The following PPM1E variants were observed in gnomAD, a reference collection of about 807,000 sequenced individuals.
PPM1E encodes protein phosphatase, Mg2+/Mn2+ dependent 1E, also known as protein phosphatase 1E.
PPM1E carries 20 observed loss-of-function variants against 65.9 expected under a neutral mutation model. The ratio of observed to expected loss-of-function variants is 0.30; its 90% CI spans 0.21 to 0.44. The LOEUF (loss-of-function observed/expected upper bound fraction) is 0.44, where lower values mean the gene tolerates loss of function less well. PPM1E is among the 20% of genes least tolerant of loss of function. The pLI is 1.00. For missense variants in PPM1E, 713 were observed against 953.1 expected, an observed-to-expected ratio of 0.75 and a Z score of 3.32; for synonymous variants, 352 against 374.9, an observed-to-expected ratio of 0.94 and a Z score of 0.70.
intron 1 of PPM1E, among the ~76,000 whole-genome samples, chr17:58,814,676 C>A (rs941347779): frequency 2.6e-5 from 4 of 152,056 alleles, no homozygotes; most frequent in African/African-American, 9.7e-5. Flanking sequence ...TGTTTTTTTT[C>A]TGTAAAGAGC....
intron 1 of PPM1E, among the ~76,000 whole-genome samples, chr17:58,792,027 G>A (rs559111663): frequency 6.6e-6 from 1 of 151,872 alleles, no homozygotes; most frequent in Non-Finnish European, 1.5e-5. Context: ...CCATCTTTGT[G>A]TCTTTCTTAT....
At chr17:58,942,838 A>G (rs149888800) in intron 1 of PPM1E, among the ~76,000 whole-genome samples, 14 of 20,342 alleles carry the variant, frequency 6.9e-4, no homozygotes, top group Admixed American at 8.5e-4. Flanking sequence ...AAAAAAAAAG[A>G]AAAAAAAAAG....
intron 1 of PPM1E, among the ~76,000 whole-genome samples, chr17:58,919,992 T>C (rs2051732467): frequency 1.3e-5 from 2 of 152,266 alleles, no homozygotes; most frequent in South Asian, 4.1e-4. Context: ...TTGATGACAT[T>C]AATCCAGGGG....
intron 1 of PPM1E, among the ~76,000 whole-genome samples, chr17:58,801,376 C>G (rs1328835308): frequency 6.6e-6 from 1 of 150,898 alleles, no homozygotes; most frequent in East Asian, 1.9e-4. Context: ...TATGAATTAA[C>G]CATTTTATTT....
At chr17:58,927,376 C>T (rs1054862438) in intron 1 of PPM1E, among the ~76,000 whole-genome samples, 7 of 152,002 alleles carry the variant, frequency 4.6e-5, no homozygotes, top group East Asian at 1.9e-4. Flanking sequence ...ATGATCTGCC[C>T]GCCTTGGCCT....
intron 2 of PPM1E, among the ~76,000 whole-genome samples, chr17:58,960,776 A>AG (rs2143659054): frequency 6.6e-6 from 1 of 151,724 alleles, no homozygotes; most frequent in East Asian, 1.9e-4. Flanking sequence ...AAAAAAAAAA[A>AG]AAAAAGAAAA....
At chr17:58,903,565 A>G (rs1414312074) in intron 1 of PPM1E, among the ~76,000 whole-genome samples, 1 of 152,210 alleles carries the variant, frequency 6.6e-6, no homozygotes, top group East Asian at 1.9e-4. Context: ...TAAATGAGGA[A>G]AGGGAAAAAG....
chr17:58,756,980 T>G (rs1039126835), intron 1 of PPM1E, among the ~76,000 whole-genome samples: 8 of 152,186 alleles, frequency 5.3e-5, no homozygotes, highest in African/African-American at 1.7e-4. Flanking sequence ...CCTGCGTAAC[T>G]GCAACAATGA....
At chr17:58,930,803 A>C (rs1371314871) in intron 1 of PPM1E, among the ~76,000 whole-genome samples, 1 of 152,166 alleles carries the variant, frequency 6.6e-6, no homozygotes, top group South Asian at 2.1e-4. Flanking sequence ...TTTAAAAGGA[A>C]TAGAGAGCCA....
chr17:58,873,206 A>G (rs559887072), intron 1 of PPM1E, among the ~76,000 whole-genome samples: 1 of 152,314 alleles, frequency 6.6e-6, no homozygotes, highest in Admixed American at 6.5e-5. Context: ...TTTAATATTA[A>G]CGAAATTTAG....
intron 1 of PPM1E, among the ~76,000 whole-genome samples, chr17:58,891,351 C>T (rs915550713): frequency 6.6e-6 from 1 of 151,944 alleles, no homozygotes; most frequent in Non-Finnish European, 1.5e-5. Flanking sequence ...GAGATGGAGT[C>T]TTGCTCTGTT....
chr17:58,794,868 G>A (rs1225643144), intron 1 of PPM1E, among the ~76,000 whole-genome samples: 1 of 149,356 alleles, frequency 6.7e-6, no homozygotes, highest in Non-Finnish European at 1.5e-5. Context: ...GTGTTGTGAT[G>A]AACATATATG....
rs117971513 is a variant in PPM1E at position 58,861,102 on chromosome 17, T to G, written c.465-94547T>G. Among the ~76,000 whole-genome samples, 675 of 152,352 alleles carry G rather than the reference T, an allele frequency of 4.4e-3. 2 individuals are homozygous for G. Among genetic ancestry groups the G allele is most frequent in the Middle Eastern group, 6.8e-3 (2 of 294 alleles). On this transcript the variant is annotated intron_variant, in intron 1 of 6. Coordinates refer to ENST00000308249, the MANE Select transcript of PPM1E (RefSeq NM_014906.5). The stretch of plus-strand genomic sequence containing the variant: ...TTGTTTTTGAGAAGCACGGATATAT[T>G]TCTGGTCTTCTATTCAGTCTTGTCC...
rs901114174 is a variant in PPM1E at position 58,928,063 on chromosome 17, TA to T, written c.465-27573del. On this transcript the variant is annotated intron_variant, in intron 1 of 6. Coordinates refer to ENST00000308249, the MANE Select transcript of PPM1E (RefSeq NM_014906.5). ...CAACAGAGCAAGACTCCATCTCAAT[TA>T]AAAAAAAAAAAATTAACCAGGCATG... 1.7e-3 allele frequency among the ~76,000 whole-genome samples: 237 copies of T among 140,646 alleles called. 1 individual carries two copies. Among genetic ancestry groups the T allele is most frequent in the Admixed American group, 1.9e-3 (26 of 14,022 alleles). The allele number at this position is 140,646 out of a possible 152,430, so 92.3% of individuals were successfully genotyped here.
At chr17:58,901,440 G>C (rs1426013380) in intron 1 of PPM1E, among the ~76,000 whole-genome samples, 1 of 152,146 alleles carries the variant, frequency 6.6e-6, no homozygotes, top group Non-Finnish European at 1.5e-5. Flanking sequence ...TTTGGAGGCC[G>C]AGGCAGGCAG....
intron 1 of PPM1E, among the ~76,000 whole-genome samples, chr17:58,869,696 A>G (rs937192421): frequency 2.0e-5 from 3 of 152,180 alleles, no homozygotes; most frequent in Non-Finnish European, 4.4e-5. Context: ...TAGCAACACA[A>G]AGACAGACTA....
chr17:58,899,580 A>AG, intron 1 of PPM1E: 1 of 223,338 alleles, frequency 4.5e-6, no homozygotes. Context: ...AAATTGACAG[A>AG]GGGGGGAAAA....
At chr17:58,963,387 CAA>C (rs748542659) in intron 2 of PPM1E, among the ~76,000 whole-genome samples, 2 of 78,620 alleles carry the variant, frequency 2.5e-5, no homozygotes, top group African/African-American at 5.0e-5. Context: ...AACTCTGTCT[CAA>C]AAAAAAAAAA....
At chr17:58,955,103 G>A (rs1225229294) in intron 1 of PPM1E, among the ~76,000 whole-genome samples, 2 of 152,080 alleles carry the variant, frequency 1.3e-5, no homozygotes, top group East Asian at 3.9e-4. Context: ...AGTGGCTCAT[G>A]CCTGTAATCC....
Sources: gnomAD v4.1 joint callset for allele counts (sites outside exome capture counted in the v4.1 genomes callset) on GRCh38, gnomAD v4.1.1 for gene constraint, MANE v1.5 for transcripts, NCBI Gene and HGNC (gene_info 2026-07-23, HGNC 2026-07-21) for gene names.